Variants in ZNF365 observed in about 807,000 individuals in gnomAD.
ZNF365 encodes the protein protein ZNF365.
A neutral mutation model predicts 35.0 loss-of-function variants in ZNF365; 22 were observed. That is an observed-to-expected ratio of 0.63 (90% confidence interval 0.45 to 0.90). The LOEUF is 0.90. Ranked by LOEUF, ZNF365 falls within the 40% of genes least tolerant of loss-of-function variation. The probability of loss-of-function intolerance (pLI) is 0.00; values close to 1 mark genes in which losing one functional copy is unlikely to be tolerated. For missense variants in ZNF365, 448 were observed against 500.3 expected (o/e 0.90, Z 1.00); for synonymous variants, 188 against 196.2 (o/e 0.96, Z 0.35).
intron 3 of ZNF365, among the ~76,000 whole-genome samples, chr10:62,389,205 G>C (rs1839580762): frequency 6.6e-6 from 1 of 150,770 alleles, no homozygotes; most frequent in African/African-American, 2.4e-5. Flanking sequence ...TCTCATAGGG[G>C]GCTTGATCAG....
intron 3 of ZNF365, among the ~76,000 whole-genome samples, chr10:62,411,137 T>C (rs1475221339): frequency 1.3e-5 from 2 of 152,212 alleles, no homozygotes; most frequent in Non-Finnish European, 2.9e-5. Flanking sequence ...TGTTTTTTAT[T>C]ATTGTAAATT....
chr10:62,390,056 TA>T (rs1466100654), intron 3 of ZNF365, among the ~76,000 whole-genome samples: 1 of 151,998 alleles, frequency 6.6e-6, no homozygotes, highest in Non-Finnish European at 1.5e-5. Flanking sequence ...CCTGCCCTCT[TA>T]AGAGAGGGTT....
intron 3 of ZNF365, among the ~76,000 whole-genome samples, chr10:62,441,653 C>T (rs2132465319): frequency 6.6e-6 from 1 of 152,280 alleles, no homozygotes; most frequent in South Asian, 2.1e-4. Context: ...TTCTATATCA[C>T]TTGGCATTTC....
At chr10:62,396,702 T>C (rs1316257139) in intron 3 of ZNF365, among the ~76,000 whole-genome samples, 1 of 152,226 alleles carries the variant, frequency 6.6e-6, no homozygotes, top group Non-Finnish European at 1.5e-5. Context: ...GAATATGTGA[T>C]AACACTGTTA....
At chr10:62,479,751 A>G (rs1413188925) in intron 4 of ZNF365, 34 of 691,862 alleles carry the variant, frequency 4.9e-5, no homozygotes, top group Non-Finnish European at 1.6e-5. Flanking sequence ...CACATAAGTG[A>G]AGAGTTGCCA....
chr10:62,460,458 A>G (rs1358376300), intron 4 of ZNF365, among the ~76,000 whole-genome samples: 2 of 152,234 alleles, frequency 1.3e-5, no homozygotes, highest in African/African-American at 2.4e-5. Context: ...ATAAAATAGA[A>G]CAATTACAAC....
chr10:62,420,579 G>A (rs1261940322), intron 3 of ZNF365, among the ~76,000 whole-genome samples: 4 of 152,242 alleles, frequency 2.6e-5, no homozygotes, highest in Middle Eastern at 3.4e-3. Context: ...AAAGTAAATA[G>A]AATACTTAGC....
In ZNF365 at chr10:62,389,360, G is replaced by A. The variant is rs182383442; in HGVS notation, c.924+784G>A. Reference sequence around the variant, plus strand: ...GGAAATATTTTGGATACCCCAAAGCGGTTTATTTATAACATTTTCATTACT... The same window carrying A: ...GGAAATATTTTGGATACCCCAAAGCAGTTTATTTATAACATTTTCATTACT... On this transcript the variant is annotated intron_variant, in intron 3 of 4. Transcript: ENST00000395254. 6.6e-5 allele frequency among the ~76,000 whole-genome samples: 10 copies of A among 151,940 alleles called. No individual in the cohort carries two copies. The East Asian group carries it at 1.4e-3, about 21-fold the overall frequency.
At chr10:62,393,816 A>G (rs980477773) in intron 3 of ZNF365, among the ~76,000 whole-genome samples, 1 of 152,164 alleles carries the variant, frequency 6.6e-6, no homozygotes, top group African/African-American at 2.4e-5. Context: ...TACAGACGAG[A>G]GCTGTGTATG....
intron 3 of ZNF365, among the ~76,000 whole-genome samples, chr10:62,412,321 G>A (rs1839998288): frequency 6.6e-6 from 1 of 152,034 alleles, no homozygotes; most frequent in Non-Finnish European, 1.5e-5. Flanking sequence ...CAAACCCACA[G>A]CCAATATCAT....
chr10:62,375,007 C>G (rs559592452), intron 1 of ZNF365, among the ~76,000 whole-genome samples: 6 of 152,314 alleles, frequency 3.9e-5, no homozygotes, highest in South Asian at 2.1e-4. Flanking sequence ...CACCTAGAAG[C>G]CTTGCCTGCC....
Position 62,447,423 on chromosome 10 carries a change from G to C in ZNF365, c.925-12318G>C, listed in dbSNP as rs534306784. 2.0e-5 allele frequency among the ~76,000 whole-genome samples: 3 copies of C among 152,292 alleles called. No homozygotes were observed. The East Asian group carries it at 5.8e-4, about 29-fold the overall frequency. On this transcript the variant is annotated intron_variant, in intron 3 of 4. Transcript: ENST00000395255. ...CAAATGGTTGAAAGCTAGCCCATCTGTAAAGAAGTATGTCTTCACTCTGAA... is the reference window on the plus strand; with the variant it reads ...CAAATGGTTGAAAGCTAGCCCATCTCTAAAGAAGTATGTCTTCACTCTGAA...
chr10:62,405,468 C>G (rs1326755218), downstream of ZNF365, among the ~76,000 whole-genome samples: 1 of 152,130 alleles, frequency 6.6e-6, no homozygotes, highest in African/African-American at 2.4e-5. Context: ...TACATCTCAG[C>G]CAATGCTCCT....
intron 3 of ZNF365, among the ~76,000 whole-genome samples, chr10:62,450,529 G>T (rs1208513342): frequency 6.6e-6 from 1 of 152,140 alleles, no homozygotes; most frequent in Non-Finnish European, 1.5e-5. Flanking sequence ...ACTGAACTCA[G>T]CAAGTTATGC....
rs568549367 is a variant in ZNF365 at position 62,382,912 on chromosome 10, T to C, written c.744-5484T>C. ...TGAAGAGGTTCATAAATCAGTCATG[T>C]AAAGTGAAATTTAAATAAGTTGGTA... On this transcript the variant is annotated intron_variant, in intron 2 of 4. Transcript: ENST00000395254. 6.6e-5 allele frequency among the ~76,000 whole-genome samples: 10 copies of C among 152,344 alleles called. 1 individual carries two copies. In the South Asian group the frequency reaches 2.1e-3, roughly 32 times the overall value.
intron 4 of ZNF365, among the ~76,000 whole-genome samples, chr10:62,463,485 T>C (rs1460788634): frequency 1.3e-5 from 2 of 152,252 alleles, no homozygotes; most frequent in Non-Finnish European, 2.9e-5. Flanking sequence ...CATGTTTATC[T>C]GCACTCAGAA....
chr10:62,458,718 A>AGTCTG (rs1406183836), intron 3 of ZNF365, among the ~76,000 whole-genome samples: 1 of 152,066 alleles, frequency 6.6e-6, no homozygotes, highest in Non-Finnish European at 1.5e-5. Context: ...ATATTAGCTG[A>AGTCTG]GTTTTTGGTC....
chr10:62,416,358 C>G (rs976549299), intron 3 of ZNF365, among the ~76,000 whole-genome samples: 1 of 152,052 alleles, frequency 6.6e-6, no homozygotes, highest in African/African-American at 2.4e-5. Context: ...GTTCTCCTAA[C>G]AAAAGAAAGG....
chr10:62,393,038 T>A (rs1589432896), intron 3 of ZNF365, among the ~76,000 whole-genome samples: 1 of 56,526 alleles, frequency 1.8e-5, no homozygotes, highest in African/African-American at 7.9e-5. Flanking sequence ...TCTGTTAAGC[T>A]TTTTTTTTTT....
Sources: gnomAD v4.1 joint callset for allele counts (sites outside exome capture counted in the v4.1 genomes callset) on GRCh38, gnomAD v4.1.1 for gene constraint, MANE v1.5 for transcripts, NCBI Gene and HGNC (gene_info 2026-07-23, HGNC 2026-07-21) for gene names.